CWC22: variants seen among roughly 807,000 people sequenced by gnomAD.
CWC22 encodes CWC22 spliceosome associated protein, also known as pre-mRNA-splicing factor CWC22 homolog.
In CWC22, 53 loss-of-function variants were observed where a neutral mutation model predicts 117.2. That is an observed-to-expected ratio of 0.45 (90% CI 0.36 to 0.57). The LOEUF is 0.57. CWC22 is among the 20% of genes least tolerant of loss of function. The pLI is 0.00. For synonymous variants in CWC22, 360 were observed against 355.6 expected (o/e 1.01, Z -0.14); for missense variants, 980 against 1,068.8 (o/e 0.92, Z 1.16).
At chr2:179,993,969 T>C (rs1687635867) in intron 1 of CWC22, among the ~76,000 whole-genome samples, 1 of 152,204 alleles carries the variant, frequency 6.6e-6, no homozygotes, top group Non-Finnish European at 1.5e-5. Context: ...ACAATAATTA[T>C]GTCTCAATGT....
At chr2:180,005,157 A>G (rs1362859325) in intron 1 of CWC22, among the ~76,000 whole-genome samples, 2 of 152,176 alleles carry the variant, frequency 1.3e-5, no homozygotes, top group African/African-American at 4.8e-5. Flanking sequence ...TTCAGAAGAC[A>G]TTTTTGGAAC....
Position 179,970,725 on chromosome 2 carries a change from C to T in CWC22, c.1072G>A (p.Asp358Asn), listed in dbSNP as rs2105527764. ...AATTGATCATCTTCTTCCACCAAAT[C>T]AAGACCTTCTAGGATAATGGGGTGG... is the stretch of plus-strand genomic sequence containing the variant. ...KDHPIILEGL[D>N]LVEEDDQFTH... Residue 358 changes from aspartate to asparagine, a missense_variant, in exon 10 of 20, where the codon GAT becomes AAT. This residue lies in a region of CWC22 where 559 missense variants were observed against 602.3 expected (regional missense o/e 0.93). Coordinates refer to ENST00000410053, the MANE Select transcript of CWC22 (RefSeq NM_020943.3). 3 of 1,613,696 alleles carry T rather than the reference C, an allele frequency of 1.9e-6. 1 individual carries two copies. The Middle Eastern group carries it at 5.0e-4, about 266-fold the overall frequency.
At position 179,993,345 on chromosome 2, in the gene CWC22, C is replaced by G. The variant is rs143368154; in HGVS notation, c.-4G>C. Reference sequence around the variant, plus strand: ...TCTGTGCCACACTACTTTTCATTTTCTGTTGCCAGTTGGTCCAATAAATCA... The same window carrying G: ...TCTGTGCCACACTACTTTTCATTTTGTGTTGCCAGTTGGTCCAATAAATCA... On this transcript the variant is annotated 5_prime_UTR_variant, in exon 2 of 20. Coordinates refer to ENST00000410053, the MANE Select transcript of CWC22 (RefSeq NM_020943.3). 3.4e-5 allele frequency: 53 copies of G among 1,564,212 alleles called. No homozygotes were observed. Among genetic ancestry groups the G allele is most frequent in the Non-Finnish European group, 4.4e-5 (51 of 1,151,962 alleles).
At chr2:179,961,657 G>C (rs191054092) in intron 13 of CWC22, among the ~76,000 whole-genome samples, 1 of 151,944 alleles carries the variant, frequency 6.6e-6, no homozygotes, top group African/African-American at 2.4e-5. Context: ...TCGAGTAGTT[G>C]ATGAAGAAAT....
chr2:179,951,646 G>A (rs1686450918), intron 17 of CWC22, among the ~76,000 whole-genome samples: 1 of 152,146 alleles, frequency 6.6e-6, no homozygotes. Context: ...TGTTTAACAA[G>A]CTTGGCAGTG....
At chr2:179,987,737 T>G (rs1687457229) in intron 3 of CWC22, among the ~76,000 whole-genome samples, 2 of 152,214 alleles carry the variant, frequency 1.3e-5, no homozygotes, top group Admixed American at 1.3e-4. Context: ...TTACAGTCAT[T>G]ATTTTTAATA....
chr2:179,965,025 C>T lies in CWC22; in HGVS notation c.1316-397G>A, dbSNP rs543541873. Among the ~76,000 whole-genome samples, 13 of 152,190 alleles carry T rather than the reference C, an allele frequency of 8.5e-5. No homozygotes were observed. The East Asian group carries it at 1.7e-3, about 20-fold the overall frequency. ...AGTTGCAGAGAACACTAGATCATCA[C>T]GACAGGCTGGATGAGTCCAACATAA... On this transcript the variant is annotated intron_variant, in intron 12 of 19. Transcript: ENST00000410053.
chr2:179,978,346 T>A, intron 5 of CWC22, 28 bp from the exon 6 acceptor site: 2 of 1,426,312 alleles, frequency 1.4e-6, no homozygotes, highest in South Asian at 1.7e-5. Flanking sequence ...TAATAAAGAT[T>A]AAAACTTAAT....
chr2:179,978,372 C>A, intron 5 of CWC22, 54 bp from the exon 6 acceptor site: 1 of 1,375,016 alleles, frequency 7.3e-7, no homozygotes, highest in Non-Finnish European at 9.4e-7. Context: ...TAATAAGAAG[C>A]TATAAGAACA....
chr2:179,950,812 G>A lies in CWC22; in HGVS notation c.1919+13C>T, dbSNP rs779311435. On this transcript the variant is annotated intron_variant, in intron 18 of 19. Transcript: ENST00000410053. ...TTTATAATCTGAACATAAATTCTGA[G>A]AATAATCCTTACGTTAAACCTCCAA... 1.3e-6 allele frequency: 2 copies of A among 1,599,808 alleles called. No individual in the cohort carries two copies. Among genetic ancestry groups the A allele is most frequent in the South Asian group, 2.2e-5 (2 of 90,222 alleles).
At chr2:180,003,027 G>A (rs1345590141) in intron 1 of CWC22, among the ~76,000 whole-genome samples, 2 of 152,168 alleles carry the variant, frequency 1.3e-5, no homozygotes, top group African/African-American at 4.8e-5. Flanking sequence ...AACGGGGAGT[G>A]TAGATTTCTG....
rs1012219024 is a variant in CWC22 at position 179,964,428 on chromosome 2, C to CT, written c.1397+118dup. The CT allele has an allele frequency of 8.8e-6, 5 of 568,730 alleles. No homozygotes were observed. In the African/African-American group the frequency reaches 9.4e-5, roughly 11 times the overall value. The allele number at this position is 568,730 out of a possible 1,614,324, so 35.2% of individuals were successfully genotyped here. ...TTGGGCATGGGATGGGGGAGAGAGT[C>CT]TAAGAATGCTGAAATGGTGTCCAGT... is the stretch of plus-strand genomic sequence containing the variant. On this transcript the variant is annotated intron_variant, in intron 13 of 19. Coordinates refer to ENST00000410053, the MANE Select transcript of CWC22 (RefSeq NM_020943.3).
rs548974937 is a variant in CWC22, at chr2:179,985,005, C to T, written c.206+1690G>A. On this transcript the variant is annotated intron_variant, in intron 4 of 19. Coordinates refer to ENST00000410053, the MANE Select transcript of CWC22 (RefSeq NM_020943.3). ...ACTATGTTCAGACATGGTAGTAGGACAGACATTATTTTTAAACCTAAACAA... is the reference window on the plus strand; with the variant it reads ...ACTATGTTCAGACATGGTAGTAGGATAGACATTATTTTTAAACCTAAACAA... Among the ~76,000 whole-genome samples, 25 of 152,006 alleles carry T rather than the reference C, an allele frequency of 1.6e-4. No individual in the cohort carries two copies. The East Asian group carries it at 4.3e-3, about 26-fold the overall frequency.
intron 17 of CWC22, among the ~76,000 whole-genome samples, 155 bp downstream of exon 17, chr2:179,952,316 G>A (rs539582950): frequency 6.2e-4 from 95 of 152,168 alleles, no homozygotes; most frequent in South Asian, 1.2e-3. Context: ...ATGTTGTCCT[G>A]TGTGACATAA....
rs1032469114 is a variant in CWC22, at chr2:179,945,062, G to A, written c.*67C>T. 1.5e-5 allele frequency: 16 copies of A among 1,103,202 alleles called. No individual in the cohort carries two copies. The highest frequency in any genetic ancestry group is 1.3e-4 in the African/African-American group (8 of 63,522). 68.3% of individuals were successfully genotyped at this position (1,103,202 alleles called of 1,614,324 possible). A position where few individuals can be genotyped will look rare whatever the true frequency, so the allele number is the denominator to read the frequency against. On this transcript the variant is annotated 3_prime_UTR_variant, in exon 20 of 20. Coordinates refer to ENST00000410053, the MANE Select transcript of CWC22 (RefSeq NM_020943.3). ...TATACAAGAATTCTCTATAAAGTTC[G>A]TCAAAGTAAAAAATAATTTGTTTCA... is the stretch of plus-strand genomic sequence containing the variant.
Position 179,950,686 on chromosome 2 carries a change from C to T in CWC22, c.1966G>A (p.Ala656Thr), listed in dbSNP as rs61745429. The T allele has an allele frequency of 8.0e-3, 12,847 of 1,613,568 alleles. 90 individuals are homozygous for T. Among genetic ancestry groups the T allele is most frequent in the Non-Finnish European group, 9.8e-3 (11,579 of 1,179,570 alleles). The change falls in exon 19 of 20, where the codon GCG becomes ACG. Residue 656 changes from alanine to threonine, a missense_variant. By Grantham distance (58) the Ala-to-Thr change is moderately conservative (BLOSUM62 0). Around this residue, in one of 3 missense-constraint regions of CWC22, gnomAD observed 306 missense variants for 296.8 expected, o/e 1.03. Coordinates refer to ENST00000410053, the MANE Select transcript of CWC22 (RefSeq NM_020943.3). ...HLKNTPKVIV[A>T]QKPDVEQNKS... ...TTTTGCTCAACATCTGGTTTCTGCGCCACAATGACCTTTGGTGTATTTTTG... is the reference window on the plus strand; with the variant it reads ...TTTTGCTCAACATCTGGTTTCTGCGTCACAATGACCTTTGGTGTATTTTTG...
chr2:179,982,443 G>A (rs1469302802), intron 4 of CWC22, among the ~76,000 whole-genome samples: 1 of 152,106 alleles, frequency 6.6e-6, no homozygotes, highest in East Asian at 1.9e-4. Flanking sequence ...TTTCTCAGTA[G>A]GAGAGTGGCA....
Position 179,993,358 on chromosome 2 carries a change from G to A in CWC22, c.-17C>T, listed in dbSNP as rs1280097712. ...ACTTTTCATTTTCTGTTGCCAGTTG[G>A]TCCAATAAATCAAAGATGCTTCAAA... On this transcript the variant is annotated 5_prime_UTR_variant, in exon 2 of 20. Transcript: ENST00000410053. The A allele has an allele frequency of 1.6e-5, 25 of 1,558,520 alleles. No homozygotes were observed. In the Admixed American group the frequency reaches 4.8e-4, roughly 30 times the overall value.
intron 1 of CWC22, among the ~76,000 whole-genome samples, chr2:179,993,857 C>T (rs571550019): frequency 1.3e-5 from 2 of 151,870 alleles, no homozygotes; most frequent in African/African-American, 2.4e-5. Context: ...GTATAAAAAT[C>T]CAATGTTTCT....
Sources: gnomAD v4.1 joint callset for allele counts (sites outside exome capture counted in the v4.1 genomes callset) on GRCh38, gnomAD v4.1.1 for gene constraint, gnomAD v4.1.1 regional missense constraint, MANE v1.5 for transcripts, NCBI Gene and HGNC (gene_info 2026-07-23, HGNC 2026-07-21) for gene names.